MAP2K5: variants seen among roughly 807,000 people sequenced by gnomAD.
MAP2K5 encodes mitogen-activated protein kinase kinase 5.
Under a neutral mutation model 83.1 loss-of-function variants are expected in MAP2K5, and 49 were observed. That is an observed-to-expected ratio of 0.59 (90% CI 0.47 to 0.75). The LOEUF (loss-of-function observed/expected upper bound fraction) is 0.75, where lower values mean the gene tolerates loss of function less well. Among genes scored for constraint, MAP2K5 ranks in the 30% least tolerant of loss-of-function variants. The pLI is 0.00. For missense variants in MAP2K5, 457 were observed against 557.5 expected (o/e 0.82, Z 1.82); for synonymous variants, 202 against 191.8 (o/e 1.05, Z -0.44).
intron 19 of MAP2K5, among the ~76,000 whole-genome samples, chr15:67,751,433 C>T (rs1566952146): frequency 6.6e-6 from 1 of 152,124 alleles, no homozygotes; most frequent in Non-Finnish European, 1.5e-5. Flanking sequence ...CCTTAAGGTC[C>T]TTATGTAATC....
intron 13 of MAP2K5, among the ~76,000 whole-genome samples, chr15:67,669,644 C>T (rs933020677): frequency 2.0e-5 from 3 of 152,060 alleles, no homozygotes; most frequent in Admixed American, 6.6e-5. Context: ...AGTGGTGATT[C>T]TGGATATATT....
intron 17 of MAP2K5, among the ~76,000 whole-genome samples, chr15:67,743,961 G>A (rs1023681786): frequency 4.6e-5 from 7 of 152,108 alleles, no homozygotes; most frequent in African/African-American, 1.2e-4. Flanking sequence ...AAGTTCATGC[G>A]TTTTCCTCAC....
rs2087348546 is a variant in MAP2K5, at chr15:67,665,251, A to T, written c.847+606A>T. On this transcript the variant is annotated intron_variant, in intron 13 of 21. Transcript: ENST00000178640. The surrounding 1 kb of genome is among the most constrained non-coding windows in gnomAD (Gnocchi z 4.2). ...GTCCCCTTGTCTAGTAACAGAACACATGAGAGAATAATCAGATGAGTGTTG... is the reference window on the plus strand; with the variant it reads ...GTCCCCTTGTCTAGTAACAGAACACTTGAGAGAATAATCAGATGAGTGTTG... 6.6e-6 allele frequency among the ~76,000 whole-genome samples: 1 copy of T among 152,156 alleles called. No individual in the cohort carries two copies. The highest frequency in any genetic ancestry group is 2.4e-5 in the African/African-American group (1 of 41,438).
rs1360237587 is a variant in MAP2K5, at chr15:67,563,623, A to G, written c.252+273A>G. On this transcript the variant is annotated intron_variant, in intron 3 of 21. Transcript: ENST00000178640. The surrounding 1 kb of genome is among the most constrained non-coding windows in gnomAD (Gnocchi z 4.5). ...ACTAAATGGACTATCAATTTCCTGTATTTTTTATGCAGTACTTAAAGTAAC... is the reference window on the plus strand; with the variant it reads ...ACTAAATGGACTATCAATTTCCTGTGTTTTTTATGCAGTACTTAAAGTAAC... Among the ~76,000 whole-genome samples, 9 of 152,176 alleles carry G rather than the reference A, an allele frequency of 5.9e-5. No homozygotes were observed. Among genetic ancestry groups the G allele is most frequent in the Admixed American group, 5.9e-4 (9 of 15,282 alleles).
chr15:67,620,013 C>T (rs7163787), intron 8 of MAP2K5, among the ~76,000 whole-genome samples: 107,393 of 152,190 alleles, frequency 0.71, 38,559 homozygotes, highest in Middle Eastern at 0.81. Context: ...AAGTCTGCAT[C>T]GAGCTATGAT....
At chr15:67,703,619 T>A (rs1693901355) in intron 16 of MAP2K5, among the ~76,000 whole-genome samples, 1 of 152,212 alleles carries the variant, frequency 6.6e-6, no homozygotes. Context: ...ACAGATCACC[T>A]GTGTAAGACC....
intron 16 of MAP2K5, among the ~76,000 whole-genome samples, chr15:67,706,800 A>C (rs2088565824): frequency 6.6e-6 from 1 of 152,192 alleles, no homozygotes; most frequent in Non-Finnish European, 1.5e-5. Context: ...TACCTAATCT[A>C]TTTGGGGTCC....
intron 3 of MAP2K5, among the ~76,000 whole-genome samples, chr15:67,567,369 T>G (rs1244986849): frequency 6.7e-6 from 1 of 150,302 alleles, no homozygotes; most frequent in Non-Finnish European, 1.5e-5. Context: ...TTTTTTTTTT[T>G]TTTTTTGAGA....
At position 67,565,480 on chromosome 15, in the gene MAP2K5, G is replaced by A. The variant is rs756997104; in HGVS notation, c.252+2130G>A. On this transcript the variant is annotated intron_variant, in intron 3 of 21. Coordinates refer to ENST00000178640, the MANE Select transcript of MAP2K5 (RefSeq NM_145160.3). This position sits in a 1 kb window ranked among gnomAD's most constrained non-coding sequence, Gnocchi z 4.1. ...CCTGACCCCGTGATCCACCCGCCTC[G>A]GCCTCCCAAAGTGCTGGGATTACAG... 3.9e-5 allele frequency among the ~76,000 whole-genome samples: 6 copies of A among 152,046 alleles called. No individual in the cohort carries two copies. The highest frequency in any genetic ancestry group is 1.3e-4 in the Admixed American group (2 of 15,262).
rs1352614992 is a variant in MAP2K5, at chr15:67,781,003, A to C, written c.1242+8251A>C. Among the ~76,000 whole-genome samples the C allele has an allele frequency of 6.6e-6, 1 of 152,220 alleles. No homozygotes were observed. The highest frequency in any genetic ancestry group is 6.5e-5 in the Admixed American group (1 of 15,280). Reference sequence around the variant, plus strand: ...TAGAGGAGACCTCCTGGCTAGCACCATCTTTGCCTGTTAGATTGATGACAG... The same window carrying C: ...TAGAGGAGACCTCCTGGCTAGCACCCTCTTTGCCTGTTAGATTGATGACAG... On this transcript the variant is annotated intron_variant, in intron 21 of 21. Coordinates refer to ENST00000178640, the MANE Select transcript of MAP2K5 (RefSeq NM_145160.3). This position sits in a 1 kb window ranked among gnomAD's most constrained non-coding sequence, Gnocchi z 4.0.
Position 67,562,163 on chromosome 15 carries a change from C to A in MAP2K5, c.185-1120C>A, listed in dbSNP as rs1274561368. 6.6e-6 allele frequency among the ~76,000 whole-genome samples: 1 copy of A among 152,194 alleles called. No individual in the cohort carries two copies. Among genetic ancestry groups the A allele is most frequent in the Non-Finnish European group, 1.5e-5 (1 of 68,036 alleles). ...AGTTGTCCCCTTGGGAGGCTCTGTA[C>A]GTTGCTCCAGACGTTTTTGGCATTT... is the stretch of plus-strand genomic sequence containing the variant. On this transcript the variant is annotated intron_variant, in intron 2 of 21. Coordinates refer to ENST00000178640, the MANE Select transcript of MAP2K5 (RefSeq NM_145160.3). This position sits in a 1 kb window ranked among gnomAD's most constrained non-coding sequence, Gnocchi z 4.1.
At chr15:67,705,257 T>C (rs1241242009) in intron 16 of MAP2K5, among the ~76,000 whole-genome samples, 1 of 152,224 alleles carries the variant, frequency 6.6e-6, no homozygotes, top group Non-Finnish European at 1.5e-5. Flanking sequence ...TATGCATTCA[T>C]GTGTTGAACT....
chr15:67,612,991 G>A (rs1242866753), intron 8 of MAP2K5, among the ~76,000 whole-genome samples: 1 of 44,632 alleles, frequency 2.2e-5, no homozygotes, highest in Non-Finnish European at 8.8e-5. Context: ...TCATTTAGCT[G>A]ATAGTTAAAA....
intron 19 of MAP2K5, among the ~76,000 whole-genome samples, chr15:67,751,782 A>T (rs918952830): frequency 2.0e-5 from 3 of 152,256 alleles, no homozygotes; most frequent in Middle Eastern, 3.4e-3. Flanking sequence ...CAGGGCTGTA[A>T]AATTGTGTGG....
intron 15 of MAP2K5, among the ~76,000 whole-genome samples, chr15:67,701,392 C>T (rs12904980): frequency 0.98 from 149,291 of 152,308 alleles, 73,253 homozygotes; most frequent in Middle Eastern, 1. Context: ...TTAGGTATGT[C>T]TGCCTAGTAC....
Position 67,543,148 on chromosome 15 carries a change from G to C in MAP2K5, c.-188G>C, listed in dbSNP as rs961160420. ...GACACCTCAGACCCCCGACAGCCTG[G>C]GCAGGCTCGGTGCCTGCGGGTGCGT... On this transcript the variant is annotated 5_prime_UTR_variant, in exon 1 of 22. Coordinates refer to ENST00000178640, the MANE Select transcript of MAP2K5 (RefSeq NM_145160.3). This position sits in a 1 kb window ranked among gnomAD's most constrained non-coding sequence, Gnocchi z 4.3. The C allele has an allele frequency of 1.6e-6, 1 of 612,320 alleles. No homozygotes were observed. The highest frequency in any genetic ancestry group is 1.8e-5 in the African/African-American group (1 of 54,146). The allele number at this position is 612,320 out of a possible 1,614,324, so 37.9% of individuals were successfully genotyped here.
intron 21 of MAP2K5, among the ~76,000 whole-genome samples, chr15:67,787,843 ATATT>A (rs1566964518): frequency 6.6e-6 from 1 of 152,264 alleles, no homozygotes; most frequent in Non-Finnish European, 1.5e-5. Context: ...TGTCTGTCAT[ATATT>A]TAAACTGTTT....
chr15:67,592,892 G>A (rs1456201831), intron 6 of MAP2K5, 34 bp from the exon 7 acceptor site: 11 of 1,520,056 alleles, frequency 7.2e-6, no homozygotes, highest in Non-Finnish European at 1.0e-5. Flanking sequence ...AGGTGTTGAT[G>A]ATCTTGCCAC....
intron 8 of MAP2K5, among the ~76,000 whole-genome samples, chr15:67,630,412 T>C (rs542337088): frequency 6.6e-5 from 10 of 152,238 alleles, no homozygotes; most frequent in Non-Finnish European, 8.8e-5. Context: ...TGAACTGTTA[T>C]GATATAGTTT....
Sources: allele counts gnomAD v4.1 joint callset (sites outside exome capture counted in the v4.1 genomes callset), GRCh38; gene constraint gnomAD v4.1.1; non-coding constraint Gnocchi (gnomAD v3.1); transcripts MANE v1.5; gene names NCBI Gene and HGNC (gene_info 2026-07-23, HGNC 2026-07-21).